Variants in FOCAD observed in about 807,000 individuals in gnomAD.
FOCAD encodes focadhesin.
A neutral mutation model predicts 225.6 loss-of-function variants in FOCAD; 198 were observed. The observed-to-expected ratio is 0.88, with a 90% CI of 0.78 to 0.99. The LOEUF (loss-of-function observed/expected upper bound fraction) is 0.99. Among genes scored for constraint, FOCAD ranks in the 50% least tolerant of loss-of-function variants. The pLI, the probability that FOCAD is intolerant of heterozygous loss-of-function variation, is 0.00. For missense variants in FOCAD, 2,713 were observed against 2,123.6 expected (o/e 1.28, Z -5.46); for synonymous variants, 897 against 755.0 (o/e 1.19, Z -3.08).
At chr9:20,756,445 C>G (rs1465705043) in intron 5 of FOCAD, among the ~76,000 whole-genome samples, 1 of 152,126 alleles carries the variant, frequency 6.6e-6, no homozygotes, top group African/African-American at 2.4e-5. Context: ...CCCCAACACC[C>G]GTGCAGTAGT....
chr9:20,664,915 G>A (rs1821852173), intron 2 of FOCAD, among the ~76,000 whole-genome samples: 1 of 151,492 alleles, frequency 6.6e-6, no homozygotes, highest in African/African-American at 2.4e-5. Context: ...CAAAATACCA[G>A]TTTTTGGTAT....
At chr9:20,926,846 C>T (rs1000596077) in intron 26 of FOCAD, among the ~76,000 whole-genome samples, 1 of 150,950 alleles carries the variant, frequency 6.6e-6, no homozygotes, top group African/African-American at 2.4e-5. Flanking sequence ...TGATTCTCAG[C>T]CCTGGCTATT....
At position 20,752,849 on chromosome 9, in the gene FOCAD, T is replaced by C. The variant is rs541625141; in HGVS notation, c.393-5241T>C. ...TTTTATTTCCTTGAGCAGTGGTTTG[T>C]AGTTCTCCTTGAAGAGGTCCTTCAC... On this transcript the variant is annotated intron_variant, in intron 5 of 43. Coordinates refer to ENST00000338382, the MANE Select transcript of FOCAD (RefSeq NM_001375567.1). Among the ~76,000 whole-genome samples, 544 of 152,010 alleles carry C rather than the reference T, an allele frequency of 3.6e-3. 4 individuals carry two copies. Among genetic ancestry groups the C allele is most frequent in the African/African-American group, 0.012 (515 of 41,444 alleles).
chr9:20,658,549 C>G (rs910717029), intron 1 of FOCAD: 2 of 154,024 alleles, frequency 1.3e-5, no homozygotes, highest in Admixed American at 6.5e-5. Context: ...TTCTAGGTGC[C>G]GTCTGTCACC....
chr9:20,734,082 A>C (rs1197082459), intron 4 of FOCAD, among the ~76,000 whole-genome samples: 2 of 152,224 alleles, frequency 1.3e-5, no homozygotes, highest in Non-Finnish European at 2.9e-5. Context: ...AACTAATACA[A>C]AATAAAAGTT....
chr9:20,903,347 A>G (rs1458358122), intron 21 of FOCAD, among the ~76,000 whole-genome samples: 1 of 151,956 alleles, frequency 6.6e-6, no homozygotes, highest in Non-Finnish European at 1.5e-5. Context: ...TGTGTTACTG[A>G]TAAAGCTCTG....
intron 4 of FOCAD, among the ~76,000 whole-genome samples, chr9:20,723,484 A>T (rs2131564048): frequency 6.6e-6 from 1 of 152,364 alleles, no homozygotes; most frequent in Middle Eastern, 3.4e-3. Flanking sequence ...ACAGAGCGAG[A>T]CTTGGTCTCA....
At chr9:20,920,187 A>G (rs942901739) in intron 24 of FOCAD, among the ~76,000 whole-genome samples, 4 of 152,094 alleles carry the variant, frequency 2.6e-5, no homozygotes, top group Non-Finnish European at 5.9e-5. Flanking sequence ...GAAGACATTT[A>G]TGCAGCCAAA....
intron 27 of FOCAD, among the ~76,000 whole-genome samples, chr9:20,931,222 G>A (rs186149518): frequency 2.6e-5 from 4 of 152,216 alleles, no homozygotes; most frequent in South Asian, 4.1e-4. Flanking sequence ...CTGTCTGTCT[G>A]ACTTGAATTC....
intron 29 of FOCAD, 128 bp from the exon 30 acceptor site, chr9:20,946,573 C>G (rs964346768): frequency 2.1e-6 from 2 of 968,780 alleles, no homozygotes; most frequent in African/African-American, 1.7e-5. Flanking sequence ...AGTGCCCAAT[C>G]CATGGTAAAT....
chr9:20,747,966 A>G (rs889600533), intron 5 of FOCAD, among the ~76,000 whole-genome samples: 1 of 151,830 alleles, frequency 6.6e-6, no homozygotes, highest in Admixed American at 6.6e-5. Flanking sequence ...CTGTTTCTTA[A>G]TGATGTTGCT....
intron 4 of FOCAD, among the ~76,000 whole-genome samples, chr9:20,720,742 G>T (rs529904178): frequency 1.3e-5 from 2 of 152,288 alleles, no homozygotes; most frequent in South Asian, 4.2e-4. Context: ...CGGTACTTAA[G>T]TTTTGGGGCT....
At chr9:20,840,383 C>G (rs1826398835) in intron 15 of FOCAD, among the ~76,000 whole-genome samples, 1 of 151,340 alleles carries the variant, frequency 6.6e-6, no homozygotes. Context: ...TCTTTTACTT[C>G]TTTGGTTAAG....
chr9:20,733,301 T>A (rs1053507359), intron 4 of FOCAD, among the ~76,000 whole-genome samples: 1 of 152,206 alleles, frequency 6.6e-6, no homozygotes, highest in Non-Finnish European at 1.5e-5. Context: ...TATTTCATTG[T>A]TTATTTCAAT....
At chr9:20,821,328 T>C (rs139066727) in intron 14 of FOCAD, among the ~76,000 whole-genome samples, 4 of 152,206 alleles carry the variant, frequency 2.6e-5, no homozygotes, top group African/African-American at 9.6e-5. Context: ...TAATTTAATA[T>C]TGCAGTAAAA....
intron 15 of FOCAD, among the ~76,000 whole-genome samples, chr9:20,828,155 GA>G (rs201634195): frequency 0.016 from 1,525 of 96,104 alleles, 23 homozygotes; most frequent in East Asian, 0.059. Flanking sequence ...TCTGTCTCAA[GA>G]AAAAAAAAAA....
intron 1 of FOCAD, among the ~76,000 whole-genome samples, chr9:20,710,540 G>A: frequency 6.6e-6 from 1 of 151,514 alleles, no homozygotes; most frequent in South Asian, 2.1e-4. Flanking sequence ...AGGCTGCAGT[G>A]AGCTGGTATC....
chr9:20,710,345 C>A (rs1824737129), intron 1 of FOCAD, among the ~76,000 whole-genome samples: 2 of 150,708 alleles, frequency 1.3e-5, no homozygotes, highest in South Asian at 4.2e-4. Context: ...CCTGTAATCG[C>A]AGCACTTTGG....
intron 35 of FOCAD, among the ~76,000 whole-genome samples, chr9:20,965,954 T>C (rs1839215987): frequency 6.6e-6 from 1 of 152,202 alleles, no homozygotes; most frequent in Admixed American, 6.5e-5. Context: ...GGGTTGTTTC[T>C]ACCTTTTGGC....
Sources: gnomAD v4.1 joint callset for allele counts (sites outside exome capture counted in the v4.1 genomes callset) on GRCh38, gnomAD v4.1.1 for gene constraint, MANE v1.5 for transcripts, NCBI Gene and HGNC (gene_info 2026-07-23, HGNC 2026-07-21) for gene names.